The following SLC4A4 variants were observed in gnomAD, a reference collection of about 807,000 sequenced individuals.
The protein encoded by SLC4A4 is electrogenic sodium bicarbonate cotransporter 1.
In SLC4A4, 27 loss-of-function variants were observed where a neutral mutation model predicts 111.5. The observed-to-expected ratio is 0.24, with a 90% CI of 0.18 to 0.33. SLC4A4 has a LOEUF of 0.33. SLC4A4 is among the 10% of genes least tolerant of loss of function. SLC4A4 has a pLI of 1.00. For synonymous variants in SLC4A4, 443 were observed against 463.4 expected (o/e 0.96, Z 0.57); for missense variants, 909 against 1,315.5 (o/e 0.69, Z 4.78).
chr4:71,428,836 A>G (rs937305749), intron 7 of SLC4A4, among the ~76,000 whole-genome samples: 3 of 152,082 alleles, frequency 2.0e-5, no homozygotes, highest in African/African-American at 7.2e-5. Context: ...AGAATGAGAT[A>G]GCAATGGGTA....
intron 1 of SLC4A4, among the ~76,000 whole-genome samples, chr4:71,071,048 A>G (rs550721053): frequency 6.6e-6 from 1 of 152,282 alleles, no homozygotes. Flanking sequence ...AGGTGGGTGG[A>G]TCACTTGAGG....
intron 2 of SLC4A4, among the ~76,000 whole-genome samples, chr4:71,140,647 A>C (rs879689930): frequency 2.0e-5 from 3 of 152,158 alleles, no homozygotes; most frequent in Non-Finnish European, 4.4e-5. Flanking sequence ...TGCACCATTT[A>C]CACTGCATTA....
At chr4:71,318,558 A>G (rs150178039) in intron 3 of SLC4A4, among the ~76,000 whole-genome samples, 25 of 152,084 alleles carry the variant, frequency 1.6e-4, no homozygotes, top group East Asian at 1.4e-3. Context: ...GTGACCAAAG[A>G]AAAAAACCAA....
At chr4:71,109,276 T>C (rs947161514) in intron 2 of SLC4A4, among the ~76,000 whole-genome samples, 1 of 152,166 alleles carries the variant, frequency 6.6e-6, no homozygotes, top group Admixed American at 6.5e-5. Flanking sequence ...CCCCCATATA[T>C]GTAGTTGCTT....
rs1469271054 is a variant in SLC4A4, at chr4:71,423,898, G to A, written c.808-16718G>A. ...AAAACCATAAAAACCCTAGAAGAAC[G>A]CCTAGGCATTACCATTCAGGACATA... On this transcript the variant is annotated intron_variant, in intron 7 of 25. Transcript: ENST00000264485. 4.5e-4 allele frequency among the ~76,000 whole-genome samples: 68 copies of A among 152,026 alleles called. No homozygotes were observed. The East Asian group carries it at 0.011, about 26-fold the overall frequency.
In SLC4A4 at chr4:71,350,066, T is replaced by C. The variant is rs1407039200; in HGVS notation, c.544T>C (p.Leu182=). The C allele has an allele frequency of 6.2e-7, 1 of 1,613,936 alleles. No individual in the cohort carries two copies. Among genetic ancestry groups the C allele is most frequent in the Non-Finnish European group, 8.5e-7 (1 of 1,179,990 alleles). ...LDREASSLPQ[L]VEMIVDHQIE... is the part of the protein sequence containing the mutation. ...TCGGGAGGCTTCTTCTCTCCCACAGTTGGTGGGTAAGTATGCTGTTTGAAT... is the reference window on the plus strand; with the variant it reads ...TCGGGAGGCTTCTTCTCTCCCACAGCTGGTGGGTAAGTATGCTGTTTGAAT... The change falls in exon 5 of 26, where the codon TTG becomes CTG. Residue 182 remains leucine (L), a synonymous_variant. Coordinates refer to ENST00000264485, the MANE Select transcript of SLC4A4 (RefSeq NM_001098484.3).
intron 12 of SLC4A4, among the ~76,000 whole-genome samples, chr4:71,455,170 G>A (rs1245232137): frequency 6.6e-6 from 1 of 152,132 alleles, no homozygotes; most frequent in African/African-American, 2.4e-5. Flanking sequence ...CTGATTCTTA[G>A]TGAAACCAGT....
chr4:71,099,200 A>G (rs1012182912), intron 2 of SLC4A4, among the ~76,000 whole-genome samples: 3 of 152,188 alleles, frequency 2.0e-5, no homozygotes, highest in African/African-American at 7.2e-5. Flanking sequence ...ACATGATTGG[A>G]CATAAAACAA....
intron 1 of SLC4A4, among the ~76,000 whole-genome samples, chr4:71,084,590 T>C (rs532614914): frequency 6.6e-6 from 1 of 152,070 alleles, no homozygotes; most frequent in Admixed American, 6.5e-5. Flanking sequence ...GTGTGTGATG[T>C]TCCCCTTCCT....
At chr4:71,521,979 C>T (rs557536289) in intron 16 of SLC4A4, among the ~76,000 whole-genome samples, 31 of 152,274 alleles carry the variant, frequency 2.0e-4, no homozygotes, top group South Asian at 4.1e-4. Flanking sequence ...CCATACCTCA[C>T]GGAGCCACTA....
chr4:71,365,494 C>A (rs1731160661), intron 6 of SLC4A4, among the ~76,000 whole-genome samples: 2 of 152,016 alleles, frequency 1.3e-5, no homozygotes, highest in African/African-American at 4.8e-5. Flanking sequence ...GAAGGGTAAG[C>A]AAGATAGAGA....
At chr4:71,280,467 T>C (rs913395252) in intron 3 of SLC4A4, among the ~76,000 whole-genome samples, 1 of 152,208 alleles carries the variant, frequency 6.6e-6, no homozygotes, top group Non-Finnish European at 1.5e-5. Flanking sequence ...CAAAAAGTTA[T>C]TGCCAAGATT....
At chr4:71,491,558 G>T (rs1034274161) in intron 15 of SLC4A4, among the ~76,000 whole-genome samples, 1 of 151,562 alleles carries the variant, frequency 6.6e-6, no homozygotes, top group Admixed American at 6.6e-5. Flanking sequence ...CTGAGTGTGG[G>T]TGTGTGTGTG....
exon 1 of SLC4A4, among the ~76,000 whole-genome samples, chr4:71,062,676 G>A (rs140196541): frequency 1.5e-3 from 235 of 152,282 alleles, no homozygotes; most frequent in East Asian, 0.013. Context: ...TCTTGAGCGT[G>A]CATCATTCAG....
chr4:71,392,505 A>C (rs916468402), intron 6 of SLC4A4, among the ~76,000 whole-genome samples: 1 of 152,110 alleles, frequency 6.6e-6, no homozygotes, highest in Non-Finnish European at 1.5e-5. Flanking sequence ...AGCATGATTC[A>C]GAATCCCCTG....
intron 2 of SLC4A4, among the ~76,000 whole-genome samples, chr4:71,251,785 C>T (rs1721087842): frequency 6.6e-6 from 1 of 152,062 alleles, no homozygotes. Flanking sequence ...ATTTTTTCCA[C>T]TCCTCCTTTT....
chr4:71,294,878 A>G lies in SLC4A4; in HGVS notation c.253+39479A>G, dbSNP rs144911980. Among the ~76,000 whole-genome samples the G allele has an allele frequency of 3.9e-5, 6 of 152,380 alleles. No homozygotes were observed. The East Asian group carries it at 1.2e-3, about 29-fold the overall frequency. ...TGCAGAGTTATATTTAATTTATAAC[A>G]TAAGTCACCAGTCAAAAAGACAGTT... On this transcript the variant is annotated intron_variant, in intron 3 of 25. Coordinates refer to ENST00000264485, the MANE Select transcript of SLC4A4 (RefSeq NM_001098484.3).
At chr4:71,228,457 C>T (rs948466069) in intron 1 of SLC4A4, among the ~76,000 whole-genome samples, 6 of 152,152 alleles carry the variant, frequency 3.9e-5, no homozygotes, top group Non-Finnish European at 5.9e-5. Context: ...TTTGACTTAA[C>T]TGAAACTGGT....
chr4:71,370,156 T>C (rs1335193947), intron 6 of SLC4A4, among the ~76,000 whole-genome samples: 1 of 152,232 alleles, frequency 6.6e-6, no homozygotes, highest in Admixed American at 6.5e-5. Context: ...GAAGTGGCTA[T>C]TGTTATTACC....
Sources: allele counts gnomAD v4.1 joint callset (sites outside exome capture counted in the v4.1 genomes callset), GRCh38; gene constraint gnomAD v4.1.1; transcripts MANE v1.5; gene names NCBI Gene and HGNC (gene_info 2026-07-23, HGNC 2026-07-21).